STT3B: variants seen among roughly 807,000 people sequenced by gnomAD.
STT3B encodes the protein STT3 oligosaccharyltransferase complex catalytic subunit B, also known as dolichyl-diphosphooligosaccharide--protein glycosyltransferase subunit STT3B.
Under a neutral mutation model 96.8 loss-of-function variants are expected in STT3B, and 29 were observed. That is an observed-to-expected ratio of 0.30 (90% CI 0.22 to 0.41). The LOEUF is 0.41. STT3B is among the 10% of genes least tolerant of loss of function. The probability of loss-of-function intolerance (pLI) is 1.00; values close to 1 mark genes in which losing one functional copy is unlikely to be tolerated. For missense variants in STT3B, 640 were observed against 1,022.3 expected, an observed-to-expected ratio of 0.63 and a Z score of 5.10; for synonymous variants, 367 against 360.0, an observed-to-expected ratio of 1.02 and a Z score of -0.22.
At chr3:31,598,883 C>T (rs1339469542) in intron 4 of STT3B, among the ~76,000 whole-genome samples, 1 of 151,608 alleles carries the variant, frequency 6.6e-6, no homozygotes, top group Non-Finnish European at 1.5e-5. Flanking sequence ...GATCTCAGCT[C>T]ACTGCAGTCT....
chr3:31,562,481 AT>A (rs548217571), intron 1 of STT3B, among the ~76,000 whole-genome samples: 58 of 152,182 alleles, frequency 3.8e-4, no homozygotes, highest in Non-Finnish European at 7.8e-4. Flanking sequence ...TGGTGGGGGT[AT>A]GGAGCTAGCT....
At chr3:31,626,261 T>C (rs1178851242) in intron 13 of STT3B, 134 bp downstream of exon 13, 2 of 797,748 alleles carry the variant, frequency 2.5e-6, no homozygotes, top group Non-Finnish European at 3.8e-6. Flanking sequence ...GGCTTTACTA[T>C]TTATTAAAGA....
intron 5 of STT3B, among the ~76,000 whole-genome samples, chr3:31,609,357 A>C (rs1699132547): frequency 2.0e-5 from 3 of 152,106 alleles, no homozygotes; most frequent in Non-Finnish European, 2.9e-5. Flanking sequence ...AACACCTCTT[A>C]AGTTACATAA....
chr3:31,593,171 G>A (rs1043850338), intron 3 of STT3B, among the ~76,000 whole-genome samples: 10 of 152,134 alleles, frequency 6.6e-5, no homozygotes, highest in Non-Finnish European at 1.3e-4. Flanking sequence ...GAATATATTA[G>A]GTTGGTGCAA....
chr3:31,556,473 T>G (rs1697714360), intron 1 of STT3B, among the ~76,000 whole-genome samples: 1 of 152,162 alleles, frequency 6.6e-6, no homozygotes, highest in Non-Finnish European at 1.5e-5. Context: ...TGGAGAAATC[T>G]CCACACTCTT....
intron 5 of STT3B, among the ~76,000 whole-genome samples, chr3:31,608,372 T>A (rs553751522): frequency 2.0e-5 from 3 of 152,184 alleles, no homozygotes; most frequent in Non-Finnish European, 4.4e-5. Flanking sequence ...TTTATGGATC[T>A]TCTTTGCAGC....
At chr3:31,548,033 T>A (rs1697458191) in intron 1 of STT3B, among the ~76,000 whole-genome samples, 1 of 152,190 alleles carries the variant, frequency 6.6e-6, no homozygotes, top group Admixed American at 6.5e-5. Context: ...ATCTTGAGAC[T>A]TTTGACCAAG....
In STT3B at chr3:31,556,031, A is replaced by G. The variant is rs140991838; in HGVS notation, c.315-20365A>G. On this transcript the variant is annotated intron_variant, in intron 1 of 15. Transcript: ENST00000295770. Reference sequence around the variant, plus strand: ...ACAGTATTTTTGTACCCATTGACCAATCTCTCTTCATCTCTGCTTCTCTCC... The same window carrying G: ...ACAGTATTTTTGTACCCATTGACCAGTCTCTCTTCATCTCTGCTTCTCTCC... Among the ~76,000 whole-genome samples the G allele has an allele frequency of 7.2e-5, 11 of 151,826 alleles. No homozygotes were observed. The East Asian group carries it at 1.2e-3, about 16-fold the overall frequency.
chr3:31,609,104 ACT>A (rs761367993), intron 5 of STT3B, among the ~76,000 whole-genome samples: 5 of 152,180 alleles, frequency 3.3e-5, no homozygotes, highest in East Asian at 3.9e-4. Context: ...ACAGAAAAAG[ACT>A]CTGTCTCAAG....
At chr3:31,614,583 T>A (rs1264015961) in intron 5 of STT3B, among the ~76,000 whole-genome samples, 1 of 151,926 alleles carries the variant, frequency 6.6e-6, no homozygotes, top group Non-Finnish European at 1.5e-5. Flanking sequence ...ACAGAAAACT[T>A]GGTGGACATA....
At chr3:31,597,614 G>A (rs1298199047) in intron 4 of STT3B, among the ~76,000 whole-genome samples, 11 of 151,938 alleles carry the variant, frequency 7.2e-5, no homozygotes, top group Non-Finnish European at 1.0e-4. Flanking sequence ...GTGCCACCAC[G>A]CCTGGCTAAT....
At chr3:31,562,901 G>A (rs1697914913) in intron 1 of STT3B, among the ~76,000 whole-genome samples, 1 of 152,180 alleles carries the variant, frequency 6.6e-6, no homozygotes, top group Non-Finnish European at 1.5e-5. Flanking sequence ...TGTCTCTCTG[G>A]AGCAGTGCTT....
At chr3:31,580,170 G>T in intron 3 of STT3B, 74 bp downstream of exon 3, 1 of 1,456,920 alleles carries the variant, frequency 6.9e-7, no homozygotes, top group South Asian at 1.3e-5. Flanking sequence ...GCTGTACGCA[G>T]ATTTGTCTTT....
chr3:31,541,475 T>TG (rs1365845510), intron 1 of STT3B, among the ~76,000 whole-genome samples: 4 of 151,112 alleles, frequency 2.6e-5, no homozygotes, highest in African/African-American at 9.7e-5. Flanking sequence ...TTTTTTTGTT[T>TG]TTTTTTTTTT....
chr3:31,580,512 T>C lies in STT3B; in HGVS notation c.711+416T>C, dbSNP rs115563071. Among the ~76,000 whole-genome samples the C allele has an allele frequency of 5.6e-3, 856 of 152,290 alleles. 10 individuals are homozygous for C. The highest frequency in any genetic ancestry group is 0.019 in the African/African-American group (797 of 41,572). On this transcript the variant is annotated intron_variant, in intron 3 of 15. Coordinates refer to ENST00000295770, the MANE Select transcript of STT3B (RefSeq NM_178862.3). ...ATGATTTTTTCCCCTGTGTATGAAATATGATGCTACTTGGGTTCACTTTAG... is the reference window on the plus strand; with the variant it reads ...ATGATTTTTTCCCCTGTGTATGAAACATGATGCTACTTGGGTTCACTTTAG...
intron 5 of STT3B, among the ~76,000 whole-genome samples, chr3:31,602,291 T>C (rs1483869813): frequency 6.6e-6 from 1 of 151,834 alleles, no homozygotes; most frequent in Admixed American, 6.6e-5. Flanking sequence ...GAATAATAAA[T>C]AACAGATTAA....
chr3:31,559,149 GTGTGTGTGTGTGTGTGTGTGTGTGTGT>G (rs1697798836), intron 1 of STT3B, among the ~76,000 whole-genome samples: 3 of 26,616 alleles, frequency 1.1e-4, no homozygotes, highest in Non-Finnish European at 3.3e-4. Flanking sequence ...TTCTTGGGGT[GTGTGTGTGTGTGTGTGTGTGTGTGTGT>G]GTGTGTGTGT....
intron 1 of STT3B, among the ~76,000 whole-genome samples, chr3:31,574,275 G>T (rs917800534): frequency 2.0e-5 from 3 of 152,168 alleles, no homozygotes; most frequent in Non-Finnish European, 4.4e-5. Context: ...GAGCTTATCT[G>T]GGTAGAGCTA....
chr3:31,579,974 G>A lies in STT3B; in HGVS notation c.589G>A (p.Ala197Thr), dbSNP rs1230427294. The A allele has an allele frequency of 1.2e-6, 2 of 1,613,840 alleles. No homozygotes were observed. Among genetic ancestry groups the A allele is most frequent in the East Asian group, 2.2e-5 (1 of 44,854 alleles). Reference sequence around the variant, plus strand: ...TACAAGAGAACTTTGGAACCAAGGAGCAGGACTTTTAGCTGCTTGTTTTAT... The same window carrying A: ...TACAAGAGAACTTTGGAACCAAGGAACAGGACTTTTAGCTGCTTGTTTTAT... ...LLTRELWNQG[A>T]GLLAACFIAI... is the part of the protein sequence containing the mutation. The change falls in exon 3 of 16, where the codon GCA becomes ACA. Residue 197 changes from alanine to threonine, a missense_variant. Physicochemically the swap from Ala to Thr is moderately conservative, Grantham distance 58. Around this residue, in one of 8 missense-constraint regions of STT3B, gnomAD observed 267 missense variants for 388.3 expected, o/e 0.69. Coordinates refer to ENST00000295770, the MANE Select transcript of STT3B (RefSeq NM_178862.3).
Sources: allele counts gnomAD v4.1 joint callset (sites outside exome capture counted in the v4.1 genomes callset), GRCh38; gene constraint gnomAD v4.1.1; regional missense constraint gnomAD v4.1.1; transcripts MANE v1.5; gene names NCBI Gene and HGNC (gene_info 2026-07-23, HGNC 2026-07-21).